DAB1: variants seen among roughly 807,000 people sequenced by gnomAD.
DAB1 encodes the protein DAB adaptor protein 1.
DAB1 carries 15 observed loss-of-function variants against 64.6 expected under a neutral mutation model. That is an observed-to-expected ratio of 0.23 (90% confidence interval 0.16 to 0.36). The LOEUF (loss-of-function observed/expected upper bound fraction) is 0.36, where lower values mean the gene tolerates loss of function less well. DAB1 is among the 10% of genes least tolerant of loss of function. DAB1 has a pLI of 1.00. For missense variants in DAB1, 596 were observed against 706.7 expected, an observed-to-expected ratio of 0.84 and a Z score of 1.78; for synonymous variants, 235 against 251.9, an observed-to-expected ratio of 0.93 and a Z score of 0.64.
At chr1:57,072,452 A>T (rs770552209) in intron 4 of DAB1, 38 bp from the exon 5 acceptor site, 82 of 1,604,500 alleles carry the variant, frequency 5.1e-5, no homozygotes, top group Non-Finnish European at 6.6e-5. Flanking sequence ...ATTTCAGGGG[A>T]CTTTCCCTTC....
chr1:57,176,970 TATAAAA>T (rs1308161899), intron 2 of DAB1, among the ~76,000 whole-genome samples: 10,889 of 61,020 alleles, frequency 0.18, 1,040 homozygotes, highest in African/African-American at 0.29. Context: ...CAGCAGCAGA[TATAAAA>T]AAAAAAAAAA....
chr1:57,462,546 A>G (rs1040418294), intron 7 of DAB1, among the ~76,000 whole-genome samples: 1 of 152,214 alleles, frequency 6.6e-6, no homozygotes, highest in African/African-American at 2.4e-5. Flanking sequence ...CATTGACCTA[A>G]GAAAATAGCT....
At chr1:57,695,417 AAAG>A (rs1646831855) in intron 6 of DAB1, among the ~76,000 whole-genome samples, 4 of 147,974 alleles carry the variant, frequency 2.7e-5, no homozygotes, top group African/African-American at 7.7e-5. Flanking sequence ...AGAAAGAAAG[AAAG>A]AAAGAAAGAA....
chr1:58,240,495 G>A (rs1470058589), intron 4 of DAB1, among the ~76,000 whole-genome samples: 4 of 152,272 alleles, frequency 2.6e-5, no homozygotes, highest in South Asian at 2.1e-4. Context: ...AGACTTTTAT[G>A]AGACTGAGAA....
At chr1:57,595,570 A>T (rs1031321673) in intron 7 of DAB1, among the ~76,000 whole-genome samples, 1 of 152,082 alleles carries the variant, frequency 6.6e-6, no homozygotes, top group Non-Finnish European at 1.5e-5. Flanking sequence ...CTAAGACTCA[A>T]TTGCAGGTTC....
chr1:57,566,453 CA>C (rs1411230642), intron 7 of DAB1, among the ~76,000 whole-genome samples: 1 of 151,982 alleles, frequency 6.6e-6, no homozygotes, highest in Non-Finnish European at 1.5e-5. Flanking sequence ...GATAGAGACA[CA>C]AAAAACCCTT....
At chr1:58,047,640 G>A (rs935247155) in intron 5 of DAB1, among the ~76,000 whole-genome samples, 2 of 152,120 alleles carry the variant, frequency 1.3e-5, no homozygotes, top group Non-Finnish European at 2.9e-5. Flanking sequence ...ACTAGTCAAA[G>A]TAATCACATT....
chr1:58,530,037 C>T (rs986541523), intron 1 of DAB1, among the ~76,000 whole-genome samples: 6 of 152,092 alleles, frequency 3.9e-5, no homozygotes, highest in South Asian at 2.1e-4. Context: ...CCCGCCACAA[C>T]GCCAGGCTAA....
At chr1:58,318,966 T>C (rs923861817) in intron 4 of DAB1, among the ~76,000 whole-genome samples, 4 of 152,168 alleles carry the variant, frequency 2.6e-5, no homozygotes, top group Admixed American at 6.5e-5. Flanking sequence ...CAGATCATTG[T>C]GAGATGACCA....
At chr1:57,382,312 A>T (rs1681447566) in intron 1 of DAB1, among the ~76,000 whole-genome samples, 2 of 152,144 alleles carry the variant, frequency 1.3e-5, no homozygotes, top group Non-Finnish European at 2.9e-5. Flanking sequence ...AATTTGCTTG[A>T]GTCAGTTTCC....
intron 7 of DAB1, among the ~76,000 whole-genome samples, chr1:57,566,488 C>T (rs1645122660): frequency 1.3e-5 from 2 of 152,004 alleles, no homozygotes; most frequent in Non-Finnish European, 2.9e-5. Context: ...AATCCAGGAG[C>T]TTGTTTTTTG....
At chr1:58,402,360 A>C (rs1445784336) in intron 3 of DAB1, among the ~76,000 whole-genome samples, 1 of 152,196 alleles carries the variant, frequency 6.6e-6, no homozygotes, top group Non-Finnish European at 1.5e-5. Context: ...TGTAACTAGC[A>C]GGGTAACATT....
chr1:56,998,392 G>A (rs1048088455), intron 14 of DAB1, among the ~76,000 whole-genome samples: 1 of 152,150 alleles, frequency 6.6e-6, no homozygotes, highest in Non-Finnish European at 1.5e-5. Flanking sequence ...GGTATAGTAG[G>A]GAGAGTTAGA....
intron 2 of DAB1, among the ~76,000 whole-genome samples, chr1:57,255,770 T>C (rs572986324): frequency 3.3e-4 from 51 of 152,342 alleles, no homozygotes; most frequent in African/African-American, 1.1e-3. Flanking sequence ...AAGGTCCTCT[T>C]ACAGTATTTC....
chr1:57,746,630 A>G (rs1268682353), intron 6 of DAB1, among the ~76,000 whole-genome samples: 1 of 152,220 alleles, frequency 6.6e-6, no homozygotes, highest in African/African-American at 2.4e-5. Flanking sequence ...TTTATATAAA[A>G]TGGCAGAGTA....
intron 1 of DAB1, among the ~76,000 whole-genome samples, chr1:57,359,651 C>G (rs1407754685): frequency 6.6e-6 from 1 of 151,824 alleles, no homozygotes; most frequent in African/African-American, 2.4e-5. Flanking sequence ...ATGTTTATAG[C>G]AATACATTTA....
chr1:57,155,331 A>C (rs1388953634), intron 2 of DAB1, among the ~76,000 whole-genome samples: 2 of 152,084 alleles, frequency 1.3e-5, no homozygotes, highest in Non-Finnish European at 2.9e-5. Context: ...AAATGAGTTC[A>C]CTGTAGGTGT....
At chr1:57,734,998 C>T (rs1444907688) in intron 6 of DAB1, among the ~76,000 whole-genome samples, 1 of 152,198 alleles carries the variant, frequency 6.6e-6, no homozygotes, top group African/African-American at 2.4e-5. Context: ...TCATATCTGT[C>T]ATTCACTTTT....
chr1:58,430,771 C>T (rs954001531), intron 3 of DAB1, among the ~76,000 whole-genome samples: 1 of 152,194 alleles, frequency 6.6e-6, no homozygotes, highest in Non-Finnish European at 1.5e-5. Flanking sequence ...CCTTGCTTTT[C>T]CTAAATAAAT....
Sources: allele counts gnomAD v4.1 joint callset (sites outside exome capture counted in the v4.1 genomes callset), GRCh38; gene constraint gnomAD v4.1.1; transcripts MANE v1.5; gene names NCBI Gene and HGNC (gene_info 2026-07-23, HGNC 2026-07-21).